The following ATP9A variants were observed in gnomAD, a reference collection of about 807,000 sequenced individuals.
The protein encoded by ATP9A is ATPase phospholipid transporting 9A.
ATP9A carries 52 observed loss-of-function variants against 144.1 expected under a neutral mutation model. The observed-to-expected ratio is 0.36, with a 90% CI of 0.29 to 0.45. ATP9A has a LOEUF of 0.45. Ranked by LOEUF, ATP9A falls within the 20% of genes least tolerant of loss-of-function variation. The pLI is 1.00. For missense variants in ATP9A, 947 were observed against 1,392.7 expected, an observed-to-expected ratio of 0.68 and a Z score of 5.09; for synonymous variants, 582 against 557.4, an observed-to-expected ratio of 1.04 and a Z score of -0.62.
chr20:51,728,535 G>A (rs911836146), intron 2 of ATP9A, among the ~76,000 whole-genome samples: 1 of 151,726 alleles, frequency 6.6e-6, no homozygotes, highest in African/African-American at 2.4e-5. Flanking sequence ...GGCTGAGGCA[G>A]GAGAATTGCT....
At chr20:51,602,041 A>G (rs2077145356) in intron 27 of ATP9A, among the ~76,000 whole-genome samples, 1 of 152,154 alleles carries the variant, frequency 6.6e-6, no homozygotes, top group Non-Finnish European at 1.5e-5. Context: ...TGACATTCAA[A>G]TGCACCCTCT....
intron 2 of ATP9A, among the ~76,000 whole-genome samples, chr20:51,728,873 AGCTGATT>A (rs953457059): frequency 4.6e-5 from 7 of 151,784 alleles, no homozygotes; most frequent in Admixed American, 2.6e-4. Context: ...TCTGCATTGG[AGCTGATT>A]GCTACTGCTG....
At chr20:51,738,716 A>T (rs1371817186) in intron 1 of ATP9A, among the ~76,000 whole-genome samples, 2 of 151,336 alleles carry the variant, frequency 1.3e-5, no homozygotes, top group African/African-American at 4.9e-5. Flanking sequence ...TCTCAAAAAA[A>T]TAAATAAATA....
At position 51,636,625 on chromosome 20, in the gene ATP9A, G is replaced by A. The variant is rs576907592; in HGVS notation, c.1668+2718C>T. Among the ~76,000 whole-genome samples the A allele has an allele frequency of 7.9e-5, 12 of 152,312 alleles. No homozygotes were observed. In the South Asian group the frequency reaches 2.5e-3, roughly 32 times the overall value. On this transcript the variant is annotated intron_variant, in intron 15 of 27. Transcript: ENST00000338821. ...GTGAGTTCCAGCCCCACTAATTCCA[G>A]CTGTGTGAACTTGGACAGGTTTCCC...
At chr20:51,688,129 A>G (rs1221572666) in intron 9 of ATP9A, among the ~76,000 whole-genome samples, 2 of 152,318 alleles carry the variant, frequency 1.3e-5, no homozygotes, top group East Asian at 3.9e-4. Flanking sequence ...TAATATGAAT[A>G]ATAGTATCTA....
At chr20:51,652,846 C>A (rs570800808) in intron 14 of ATP9A, among the ~76,000 whole-genome samples, 1 of 151,996 alleles carries the variant, frequency 6.6e-6, no homozygotes, top group South Asian at 2.1e-4. Context: ...CAGTGGCTCA[C>A]GCCTGTAATC....
intron 6 of ATP9A, among the ~76,000 whole-genome samples, chr20:51,695,524 T>C (rs1390949643): frequency 2.7e-5 from 4 of 146,890 alleles, no homozygotes; most frequent in East Asian, 2.0e-4. Flanking sequence ...GGGCAGGCAA[T>C]GACAGCTGCC....
At chr20:51,664,211 T>C (rs1295315215) in intron 13 of ATP9A, among the ~76,000 whole-genome samples, 2 of 151,862 alleles carry the variant, frequency 1.3e-5, no homozygotes, top group African/African-American at 2.4e-5. Context: ...TCCATCTATA[T>C]ATATTGATCT....
intron 1 of ATP9A, among the ~76,000 whole-genome samples, chr20:51,754,840 A>G (rs1322810074): frequency 6.6e-6 from 1 of 151,538 alleles, no homozygotes; most frequent in Non-Finnish European, 1.5e-5. Flanking sequence ...TAAGCCGGGC[A>G]TGGTGGCCCA....
chr20:51,638,068 ATTTTATATATAT>A (rs2077300476), intron 15 of ATP9A, among the ~76,000 whole-genome samples: 1 of 27,938 alleles, frequency 3.6e-5, no homozygotes, highest in African/African-American at 9.8e-5. Context: ...GCATTTCATC[ATTTTATATATAT>A]ATATATATAT....
intron 1 of ATP9A, among the ~76,000 whole-genome samples, chr20:51,753,057 G>A (rs1233873974): frequency 6.6e-6 from 1 of 151,636 alleles, no homozygotes; most frequent in Non-Finnish European, 1.5e-5. Flanking sequence ...AGCCAGGATG[G>A]CGCCATTGCA....
At chr20:51,667,498 C>T (rs1013048941) in intron 13 of ATP9A, among the ~76,000 whole-genome samples, 7 of 152,222 alleles carry the variant, frequency 4.6e-5, no homozygotes, top group East Asian at 3.9e-4. Flanking sequence ...TTGGTGGCTC[C>T]GAGGGAAGGG....
At position 51,618,998 on chromosome 20, in the gene ATP9A, T is replaced by G. The variant is rs764737552; in HGVS notation, c.2161A>C (p.Arg721=). The change falls in exon 20 of 28, where the codon AGG becomes CGG. Residue 721 remains arginine, a synonymous_variant. Coordinates refer to ENST00000338821, the MANE Select transcript of ATP9A (RefSeq NM_006045.3). The part of the protein sequence containing the change: ...EAHLELNAFR[R]KHDCALVISG... Reference sequence around the variant, plus strand: ...ATGACCAGGGCACAATCATGCTTCCTGCGGAAGGCGTTCAGCTCGAGGTGA... The same window carrying G: ...ATGACCAGGGCACAATCATGCTTCCGGCGGAAGGCGTTCAGCTCGAGGTGA... 2 of 1,614,130 alleles carry G rather than the reference T, an allele frequency of 1.2e-6. No homozygotes were observed. Among genetic ancestry groups the G allele is most frequent in the East Asian group, 4.5e-5 (2 of 44,876 alleles).
rs563777529 is a variant in ATP9A at position 51,608,669 on chromosome 20, T to C, written c.2637-43A>G. The C allele has an allele frequency of 1.1e-4, 139 of 1,249,938 alleles. 2 individuals carry two copies. In the South Asian group the frequency reaches 1.6e-3, roughly 15 times the overall value. 77.4% of individuals were successfully genotyped at this position (1,249,938 alleles called of 1,614,324 possible). ...CATAGGTAAGACCTGGCTGACGCGATAGGAGCTATGTGCTGTGCCAGCCTC... is the reference window on the plus strand; with the variant it reads ...CATAGGTAAGACCTGGCTGACGCGACAGGAGCTATGTGCTGTGCCAGCCTC... On this transcript the variant is annotated intron_variant, in intron 24 of 27. Coordinates refer to ENST00000338821, the MANE Select transcript of ATP9A (RefSeq NM_006045.3).
intron 1 of ATP9A, among the ~76,000 whole-genome samples, chr20:51,751,261 GT>G (rs201983884): frequency 0.049 from 5,676 of 115,278 alleles, 81 homozygotes; most frequent in African/African-American, 0.096. Flanking sequence ...GGTTTTTTTT[GT>G]TTTTTTTTTT....
Position 51,600,651 on chromosome 20 carries a change from A to T in ATP9A, c.*560T>A, listed in dbSNP as rs567048215. Reference sequence around the variant, plus strand: ...GCAGGGCTGGCTGGAGACGATACTGAGCATTTCCGAATGGAGATTATTGTG... The same window carrying T: ...GCAGGGCTGGCTGGAGACGATACTGTGCATTTCCGAATGGAGATTATTGTG... On this transcript the variant is annotated 3_prime_UTR_variant, in exon 28 of 28. Transcript: ENST00000338821. 1.3e-5 allele frequency: 2 copies of T among 152,384 alleles called. No homozygotes were observed. Among genetic ancestry groups the T allele is most frequent in the Admixed American group, 6.5e-5 (1 of 15,298 alleles). The allele number at this position is 152,384 out of a possible 1,614,324, so 9.4% of individuals were successfully genotyped here.
chr20:51,671,688 T>C (rs929511515), intron 11 of ATP9A, among the ~76,000 whole-genome samples: 6 of 152,184 alleles, frequency 3.9e-5, no homozygotes, highest in African/African-American at 1.2e-4. Flanking sequence ...AATTCTTTCA[T>C]CTTCCCAAAC....
rs1343572570 is a variant in ATP9A at position 51,598,489 on chromosome 20, A to G, written c.*2722T>C. 4 of 152,102 alleles carry G rather than the reference A, an allele frequency of 2.6e-5. No individual in the cohort carries two copies. The highest frequency in any genetic ancestry group is 5.9e-5 in the Non-Finnish European group (4 of 68,028). 9.4% of individuals were successfully genotyped at this position (152,102 alleles called of 1,614,324 possible). On this transcript the variant is annotated 3_prime_UTR_variant, in exon 28 of 28. Coordinates refer to ENST00000338821, the MANE Select transcript of ATP9A (RefSeq NM_006045.3). ...TGACAGTGTCAATGGCGCTTTATGT[A>G]AGTTCTTTCCAGATTGATGAACCAA...
intron 1 of ATP9A, among the ~76,000 whole-genome samples, chr20:51,762,647 G>A (rs867706790): frequency 6.6e-6 from 1 of 150,760 alleles, no homozygotes; most frequent in African/African-American, 2.4e-5. Flanking sequence ...TGACAAGAGC[G>A]AGACCCTGTC....
Sources: allele counts gnomAD v4.1 joint callset (sites outside exome capture counted in the v4.1 genomes callset), GRCh38; gene constraint gnomAD v4.1.1; transcripts MANE v1.5; gene names NCBI Gene and HGNC (gene_info 2026-07-23, HGNC 2026-07-21).